The following HTR5A variants were observed in gnomAD, a reference collection of about 807,000 sequenced individuals.
HTR5A encodes 5-hydroxytryptamine receptor 5A.
Under a neutral mutation model 24.3 loss-of-function variants are expected in HTR5A, and 21 were observed. That is an observed-to-expected ratio of 0.86 (90% confidence interval 0.61 to 1.24). HTR5A has a LOEUF of 1.24. Among genes scored for constraint, HTR5A ranks in the 50% most tolerant of loss-of-function variants. The probability of loss-of-function intolerance (pLI) is 0.00; values close to 1 mark genes in which losing one functional copy is unlikely to be tolerated. For missense variants in HTR5A, 497 were observed against 489.5 expected (o/e 1.02, Z -0.15); for synonymous variants, 260 against 213.7 (o/e 1.22, Z -1.89).
chr7:155,082,464 G>A (rs1050978145), intron 1 of HTR5A, among the ~76,000 whole-genome samples: 1 of 152,190 alleles, frequency 6.6e-6, no homozygotes, highest in Non-Finnish European at 1.5e-5. Flanking sequence ...AGTATAACCA[G>A]CATCTCCAGT....
rs1795476100 is a variant in HTR5A at position 155,086,311 on chromosome 7, C to T, written c.*1824C>T. ...TCAAGGGTAAACGCTTAAGTCTATT[C>T]TACCTGAAAATCCATGTGAAAACTT... On this transcript the variant is annotated 3_prime_UTR_variant, in exon 2 of 2. Coordinates refer to ENST00000287907, the MANE Select transcript of HTR5A (RefSeq NM_024012.4). 6.6e-6 allele frequency among the ~76,000 whole-genome samples: 1 copy of T among 152,212 alleles called. No homozygotes were observed. The highest frequency in any genetic ancestry group is 1.5e-5 in the Non-Finnish European group (1 of 68,034).
intron 1 of HTR5A, among the ~76,000 whole-genome samples, chr7:155,080,829 C>T (rs1006639914): frequency 5.9e-5 from 9 of 151,940 alleles, no homozygotes; most frequent in African/African-American, 2.2e-4. Flanking sequence ...TGTTGGATGG[C>T]GTTTTCTGTT....
chr7:155,076,886 C>T (rs902561855), intron 1 of HTR5A, among the ~76,000 whole-genome samples: 4 of 152,204 alleles, frequency 2.6e-5, no homozygotes, highest in Non-Finnish European at 5.9e-5. Context: ...GCAAAGCCTC[C>T]AGGTTACTGA....
intron 1 of HTR5A, among the ~76,000 whole-genome samples, chr7:155,073,877 G>GTGTGTA (rs1210393368): frequency 1.5e-3 from 12 of 7,992 alleles, no homozygotes; most frequent in Non-Finnish European, 6.0e-3. Flanking sequence ...ATATATATAT[G>GTGTGTA]TATATATATA....
At position 155,084,374 on chromosome 7, in the gene HTR5A, A is replaced by G. The variant is rs577792110; in HGVS notation, c.961A>G (p.Ser321Gly). The change falls in exon 2 of 2, where the codon AGC becomes GGC. Residue 321 changes from serine (S) to glycine (G), a missense_variant. By Grantham distance (56) the Ser-to-Gly change is moderately conservative. Coordinates refer to ENST00000287907, the MANE Select transcript of HTR5A (RefSeq NM_024012.4). ...CTGTGACATCCCCGCCATCTGGAAAAGCATCTTCCTGTGGCTTGGCTACTC... is the reference window on the plus strand; with the variant it reads ...CTGTGACATCCCCGCCATCTGGAAAGGCATCTTCCTGTGGCTTGGCTACTC... The part of the protein sequence containing the change: ...CSCDIPAIWK[S>G]IFLWLGYSNS... The G allele has an allele frequency of 6.2e-7, 1 of 1,614,154 alleles. No individual in the cohort carries two copies. Among genetic ancestry groups the G allele is most frequent in the South Asian group, 1.1e-5 (1 of 91,086 alleles).
rs1313541667 is a variant in HTR5A at position 155,086,257 on chromosome 7, A to G, written c.*1770A>G. Among the ~76,000 whole-genome samples the G allele has an allele frequency of 1.3e-5, 2 of 152,366 alleles. No homozygotes were observed. The highest frequency in any genetic ancestry group is 4.8e-5 in the African/African-American group (2 of 41,596). ...CATGGCAGAGAAGAAAAATTCAGAC[A>G]TGAGGAGTCTGGAGAGGTAACACTA... On this transcript the variant is annotated 3_prime_UTR_variant, in exon 2 of 2. Transcript: ENST00000287907.
intron 1 of HTR5A, among the ~76,000 whole-genome samples, chr7:155,083,364 G>A (rs971359720): frequency 6.6e-6 from 1 of 152,192 alleles, no homozygotes; most frequent in Admixed American, 6.5e-5. Flanking sequence ...GTAAATTTAT[G>A]ATTGCTTCAT....
intron 1 of HTR5A, among the ~76,000 whole-genome samples, chr7:155,083,058 T>A (rs556160842): frequency 6.6e-6 from 1 of 152,156 alleles, no homozygotes; most frequent in African/African-American, 2.4e-5. Context: ...TTAACCATAG[T>A]GTTCCTATTT....
intron 1 of HTR5A, among the ~76,000 whole-genome samples, chr7:155,071,917 C>T (rs985568986): frequency 6.6e-6 from 1 of 152,094 alleles, no homozygotes; most frequent in African/African-American, 2.4e-5. Flanking sequence ...CTGCAGGGTC[C>T]CCTTTGGCCC....
rs78378022 is a variant in HTR5A, at chr7:155,072,786, C to T, written c.741+1146C>T. ...TGGTCTAGGGAGGGAAATAGACATC[C>T]ACCCTGAGCTCTGTATATGCTTTCT... On this transcript the variant is annotated intron_variant, in intron 1 of 1. Transcript: ENST00000287907. Among the ~76,000 whole-genome samples, 317 of 152,180 alleles carry T rather than the reference C, an allele frequency of 2.1e-3. 1 individual carries two copies. Among genetic ancestry groups the T allele is most frequent in the African/African-American group, 6.8e-3 (284 of 41,502 alleles).
At position 155,084,438 on chromosome 7, in the gene HTR5A, A is replaced by G; in HGVS notation, c.1025A>G (p.Asn342Ser). The G allele has an allele frequency of 6.2e-7, 1 of 1,614,142 alleles. No homozygotes were observed. The highest frequency in any genetic ancestry group is 1.7e-5 in the Admixed American group (1 of 60,016). Residue 342 changes from asparagine (N) to serine (S), a missense_variant, in exon 2 of 2, where the codon AAC (asparagine) becomes AGC (serine). Physicochemically the swap from Asn to Ser is conservative, Grantham distance 46 (BLOSUM62 1). Transcript: ENST00000287907. Reference sequence around the variant, plus strand: ...AACCCCCTGATCTATACGGCTTTCAACAAGAACTACAACAGCGCCTTCAAG... The same window carrying G: ...AACCCCCTGATCTATACGGCTTTCAGCAAGAACTACAACAGCGCCTTCAAG... The part of the protein sequence containing the change: ...FFNPLIYTAF[N>S]KNYNSAFKNF...
At position 155,071,597 on chromosome 7, in the gene HTR5A, C is replaced by A; in HGVS notation, c.698C>A (p.Ser233Tyr). 4 of 1,614,158 alleles carry A rather than the reference C, an allele frequency of 2.5e-6. No individual in the cohort carries two copies. The highest frequency in any genetic ancestry group is 2.5e-6 in the Non-Finnish European group (3 of 1,180,016). The stretch of plus-strand genomic sequence containing the variant: ...AAGGCTGCCAAGTTCCGCGTGGGCT[C>A]CAGGAAGACCAATAGCGTCTCACCC... Reference protein sequence around the residue: ...IYKAAKFRVGSRKTNSVSPIS... With the variant: ...IYKAAKFRVGYRKTNSVSPIS... Residue 233 changes from serine (S) to tyrosine (Y), a missense_variant, in exon 1 of 2, where the codon TCC (serine) becomes TAC (tyrosine). Physicochemically the swap from Ser to Tyr is moderately radical, Grantham distance 144. Coordinates refer to ENST00000287907, the MANE Select transcript of HTR5A (RefSeq NM_024012.4).
intron 1 of HTR5A, 38 bp from the exon 2 acceptor site, chr7:155,084,117 A>C (rs771306601): frequency 6.7e-7 from 1 of 1,501,926 alleles, no homozygotes; most frequent in Non-Finnish European, 9.0e-7. Flanking sequence ...AGGTAGACTG[A>C]GGTGGCTCCT....
chr7:155,077,486 C>A (rs1320716594), intron 1 of HTR5A, among the ~76,000 whole-genome samples: 2 of 124,002 alleles, frequency 1.6e-5, no homozygotes, highest in Non-Finnish European at 3.2e-5. Flanking sequence ...TTTTTTGAGA[C>A]AGAGTCTCAC....
intron 1 of HTR5A, among the ~76,000 whole-genome samples, chr7:155,083,605 A>G (rs181768026): frequency 1.3e-5 from 2 of 152,362 alleles, no homozygotes; most frequent in Admixed American, 1.3e-4. Flanking sequence ...GGGTAGAGGA[A>G]GACACAGAAT....
rs189118667 is a variant in HTR5A, at chr7:155,079,363, A to G, written c.742-4792A>G. Among the ~76,000 whole-genome samples, 4 of 152,298 alleles carry G rather than the reference A, an allele frequency of 2.6e-5. No homozygotes were observed. The East Asian group carries it at 7.7e-4, about 29-fold the overall frequency. On this transcript the variant is annotated intron_variant, in intron 1 of 1. Coordinates refer to ENST00000287907, the MANE Select transcript of HTR5A (RefSeq NM_024012.4). ...ATAATGTGATTGTGTTTTTCCTGAG[A>G]AAACCCTGGTTCATTTAGGAAGTCA...
Position 155,085,507 on chromosome 7 carries a change from C to T in HTR5A, c.*1020C>T, listed in dbSNP as rs193138954. 1.2e-4 allele frequency: 18 copies of T among 152,160 alleles called. No homozygotes were observed. The highest frequency in any genetic ancestry group is 5.9e-4 in the Admixed American group (9 of 15,282). The allele number at this position is 152,160 out of a possible 1,614,324, so 9.4% of individuals were successfully genotyped here. A position where few individuals can be genotyped will look rare whatever the true frequency, so the allele number is the denominator to read the frequency against. On this transcript the variant is annotated 3_prime_UTR_variant, in exon 2 of 2. Transcript: ENST00000287907. ...GGTATGTGAATTCCTGCTAGGAGGC[C>T]GAGGCTAGTAGGCAATGAAAAAGAC...
At chr7:155,079,493 G>A (rs983583524) in intron 1 of HTR5A, among the ~76,000 whole-genome samples, 1 of 152,084 alleles carries the variant, frequency 6.6e-6, no homozygotes, top group Non-Finnish European at 1.5e-5. Flanking sequence ...TTCTTTTAAG[G>A]ACTCAAAATA....
At chr7:155,076,546 C>A (rs2150818736) in intron 1 of HTR5A, among the ~76,000 whole-genome samples, 1 of 151,980 alleles carries the variant, frequency 6.6e-6, no homozygotes, top group South Asian at 2.1e-4. Context: ...TTTAGCATAC[C>A]ATCAACAAAC....
Sources: gnomAD v4.1 joint callset for allele counts (sites outside exome capture counted in the v4.1 genomes callset) on GRCh38, gnomAD v4.1.1 for gene constraint, MANE v1.5 for transcripts, NCBI Gene and HGNC (gene_info 2026-07-23, HGNC 2026-07-21) for gene names.